Variants in MRPL48 observed in about 807,000 individuals in gnomAD.
MRPL48 encodes the protein large ribosomal subunit protein mL48.
A neutral mutation model predicts 32.9 loss-of-function variants in MRPL48; 16 were observed. The observed-to-expected ratio is 0.49, with a 90% CI of 0.33 to 0.74. The LOEUF is 0.74. Ranked by LOEUF, MRPL48 falls within the 30% of genes least tolerant of loss-of-function variation. The pLI is 0.02. For missense variants in MRPL48, 206 were observed against 245.3 expected (o/e 0.84, Z 1.07); for synonymous variants, 94 against 89.2 (o/e 1.05, Z -0.31).
At chr11:73,815,926 A>C (rs1947660407) in intron 3 of MRPL48, among the ~76,000 whole-genome samples, 1 of 150,834 alleles carries the variant, frequency 6.6e-6, no homozygotes. Flanking sequence ...GGGTCTCCCT[A>C]CGTTGCCCAG....
intron 1 of MRPL48, among the ~76,000 whole-genome samples, chr11:73,795,122 C>T (rs1028535928): frequency 6.6e-6 from 1 of 151,846 alleles, no homozygotes; most frequent in African/African-American, 2.4e-5. Flanking sequence ...CACCGTGTTG[C>T]CCAGGCTGGT....
Position 73,864,430 on chromosome 11 carries a change from C to T in MRPL48, c.*60C>T. On this transcript the variant is annotated 3_prime_UTR_variant, in exon 8 of 8. Transcript: ENST00000310614. ...ATTGAGTGCCAAAGAGAAGAGCTTA[C>T]TGGGTAGTTAGAGTTCATCAGGAGA... The T allele has an allele frequency of 6.4e-7, 1 of 1,555,422 alleles. No homozygotes were observed. Among genetic ancestry groups the T allele is most frequent in the South Asian group, 1.1e-5 (1 of 87,834 alleles).
chr11:73,798,620 G>C (rs187304327), intron 1 of MRPL48, among the ~76,000 whole-genome samples: 2 of 152,146 alleles, frequency 1.3e-5, no homozygotes, highest in African/African-American at 4.8e-5. Context: ...AAATGTTTCA[G>C]TTTTGACCAG....
rs1948555481 is a variant in MRPL48, at chr11:73,859,977, T to C, written c.442T>C (p.Ser148Pro). The C allele has an allele frequency of 6.2e-7, 1 of 1,613,758 alleles. No homozygotes were observed. The highest frequency in any genetic ancestry group is 8.5e-7 in the Non-Finnish European group (1 of 1,179,862). ...QDQGSKMLLDSVLTTHERVVQ... is the reference protein window; with the variant it reads ...QDQGSKMLLDPVLTTHERVVQ... Reference sequence around the variant, plus strand: ...CCAAGGCAGCAAAATGCTCCTGGACTCAGTGCTTACCACCCATGAGCGAGT... The same window carrying C: ...CCAAGGCAGCAAAATGCTCCTGGACCCAGTGCTTACCACCCATGAGCGAGT... Residue 148 changes from serine to proline, a missense_variant, in exon 6 of 8, where the codon TCA (serine) becomes CCA (proline). Ser to Pro is a moderately conservative substitution (Grantham distance 74). Coordinates refer to ENST00000310614, the MANE Select transcript of MRPL48 (RefSeq NM_016055.6).
chr11:73,856,907 TA>T (rs1410063130), intron 5 of MRPL48, among the ~76,000 whole-genome samples: 1 of 151,736 alleles, frequency 6.6e-6, no homozygotes, highest in African/African-American at 2.4e-5. Context: ...AAATAAAAAA[TA>T]AAAAAATAAA....
intron 4 of MRPL48, among the ~76,000 whole-genome samples, chr11:73,841,633 GA>G (rs1948188186): frequency 6.6e-6 from 1 of 152,168 alleles, no homozygotes; most frequent in Non-Finnish European, 1.5e-5. Flanking sequence ...CTAATTTGGG[GA>G]AAGGAGATCT....
rs1424033360 is a variant in MRPL48, at chr11:73,795,435, C to T, written c.21+7443C>T. On this transcript the variant is annotated intron_variant, in intron 1 of 7. Coordinates refer to ENST00000310614, the MANE Select transcript of MRPL48 (RefSeq NM_016055.6). Reference sequence around the variant, plus strand: ...TTAAAGTATAACAGCAGGATCCAAGCAAGTCTGAGCAGTCATAAAAGTTTT... The same window carrying T: ...TTAAAGTATAACAGCAGGATCCAAGTAAGTCTGAGCAGTCATAAAAGTTTT... Among the ~76,000 whole-genome samples the T allele has an allele frequency of 2.0e-5, 3 of 151,750 alleles. No individual in the cohort carries two copies. The East Asian group carries it at 5.8e-4, about 29-fold the overall frequency.
chr11:73,821,047 T>C (rs960435179), intron 3 of MRPL48, among the ~76,000 whole-genome samples: 1 of 152,092 alleles, frequency 6.6e-6, no homozygotes, highest in African/African-American at 2.4e-5. Flanking sequence ...CACACTGGAG[T>C]ACAGCATCAT....
chr11:73,833,299 C>T (rs373586671), intron 4 of MRPL48, among the ~76,000 whole-genome samples: 9 of 152,012 alleles, frequency 5.9e-5, no homozygotes, highest in Admixed American at 1.3e-4. Flanking sequence ...GAGTGACTCA[C>T]GTGAAGACCT....
At chr11:73,838,428 A>G (rs571243191) in intron 4 of MRPL48, among the ~76,000 whole-genome samples, 1 of 152,320 alleles carries the variant, frequency 6.6e-6, no homozygotes, top group South Asian at 2.1e-4. Flanking sequence ...GCCAAGATGG[A>G]CACTGGGATC....
chr11:73,817,872 A>G (rs1356287070), intron 3 of MRPL48: 2 of 341,346 alleles, frequency 5.9e-6, no homozygotes, highest in South Asian at 4.6e-5. Flanking sequence ...TGGCATGATC[A>G]TAGCTCCCTG....
At chr11:73,806,716 G>T (rs1947460222) in intron 2 of MRPL48, among the ~76,000 whole-genome samples, 1 of 151,948 alleles carries the variant, frequency 6.6e-6, no homozygotes, top group South Asian at 2.1e-4. Context: ...TAAAACAGAT[G>T]ATATTATCTC....
chr11:73,830,950 C>T (rs1406351663), intron 4 of MRPL48, among the ~76,000 whole-genome samples: 1 of 151,862 alleles, frequency 6.6e-6, no homozygotes, highest in Admixed American at 6.6e-5. Context: ...AGCAATTGTC[C>T]TGCCTCAGCC....
intron 2 of MRPL48, among the ~76,000 whole-genome samples, chr11:73,806,588 TAA>T (rs1444062025): frequency 6.6e-6 from 1 of 152,170 alleles, no homozygotes; most frequent in Non-Finnish European, 1.5e-5. Flanking sequence ...CCTTGCCCCT[TAA>T]AAATAAGCAT....
At chr11:73,856,506 TCCTTTG>T (rs1948484148) in intron 5 of MRPL48, among the ~76,000 whole-genome samples, 1 of 152,138 alleles carries the variant, frequency 6.6e-6, no homozygotes. Flanking sequence ...TTTGCCTGCA[TCCTTTG>T]CTGAGCAGCT....
At chr11:73,788,125 T>G (rs1335408948) in intron 1 of MRPL48, 133 bp downstream of exon 1, 26 of 1,346,848 alleles carry the variant, frequency 1.9e-5, no homozygotes, top group Non-Finnish European at 2.5e-5. Context: ...GCGCCCAAGG[T>G]CCTTCCCAGC....
At chr11:73,832,328 A>G (rs1352380910) in intron 4 of MRPL48, 1 of 152,124 alleles carries the variant, frequency 6.6e-6, no homozygotes, top group African/African-American at 2.4e-5. Context: ...TCTGTCACCT[A>G]TTTTATTTTG....
At chr11:73,837,743 G>A (rs982915014) in intron 4 of MRPL48, among the ~76,000 whole-genome samples, 1 of 152,140 alleles carries the variant, frequency 6.6e-6, no homozygotes, top group Non-Finnish European at 1.5e-5. Flanking sequence ...TCCCTACTAC[G>A]TTTCTCCTAA....
chr11:73,793,357 C>T (rs1274787600), intron 1 of MRPL48, among the ~76,000 whole-genome samples: 1 of 152,190 alleles, frequency 6.6e-6, no homozygotes, highest in Non-Finnish European at 1.5e-5. Flanking sequence ...TGAGCCACTG[C>T]ACCTGGCCAT....
Sources: gnomAD v4.1 joint callset for allele counts (sites outside exome capture counted in the v4.1 genomes callset) on GRCh38, gnomAD v4.1.1 for gene constraint, MANE v1.5 for transcripts, NCBI Gene and HGNC (gene_info 2026-07-23, HGNC 2026-07-21) for gene names.